SDK1: variants seen among roughly 807,000 people sequenced by gnomAD.
SDK1 encodes protein sidekick-1.
A neutral mutation model predicts 245.5 loss-of-function variants in SDK1; 157 were observed. That is an observed-to-expected ratio of 0.64 (90% confidence interval 0.56 to 0.73). The LOEUF (loss-of-function observed/expected upper bound fraction) is 0.73, where lower values mean the gene tolerates loss of function less well. SDK1 is among the 30% of genes least tolerant of loss of function. SDK1 has a pLI of 0.00. For missense variants in SDK1, 3,583 were observed against 3,002.3 expected, an observed-to-expected ratio of 1.19 and a Z score of -4.52; for synonymous variants, 1,647 against 1,278.5, an observed-to-expected ratio of 1.29 and a Z score of -6.15.
At chr7:3,640,095 G>A (rs1782603470) in intron 3 of SDK1, among the ~76,000 whole-genome samples, 1 of 130,062 alleles carries the variant, frequency 7.7e-6, no homozygotes. Flanking sequence ...GGCCTCAAGT[G>A]ATCCTCCTGC....
At chr7:3,591,202 A>G (rs906178052) in intron 1 of SDK1, among the ~76,000 whole-genome samples, 50 of 152,254 alleles carry the variant, frequency 3.3e-4, no homozygotes, top group African/African-American at 1.2e-3. Flanking sequence ...TTTATCTTTA[A>G]TGTTTTTATG....
At chr7:4,145,142 G>A (rs1779872195) in intron 28 of SDK1, among the ~76,000 whole-genome samples, 2 of 152,172 alleles carry the variant, frequency 1.3e-5, no homozygotes, top group South Asian at 4.1e-4. Context: ...AAGCAGAGCT[G>A]CCCTGGCGGA....
chr7:3,691,051 T>C (rs1027027190), intron 4 of SDK1, among the ~76,000 whole-genome samples: 1 of 152,212 alleles, frequency 6.6e-6, no homozygotes, highest in Non-Finnish European at 1.5e-5. Flanking sequence ...GAAAAAATTT[T>C]CAACTTATTA....
chr7:3,867,603 G>C (rs556439418), intron 5 of SDK1, among the ~76,000 whole-genome samples: 1 of 152,108 alleles, frequency 6.6e-6, no homozygotes, highest in Non-Finnish European at 1.5e-5. Flanking sequence ...ATCAGATCTC[G>C]TGAGACTTAC....
rs532200816 is a variant in SDK1, at chr7:3,446,554, A to G, written c.298+144670A>G. Among the ~76,000 whole-genome samples the G allele has an allele frequency of 2.3e-4, 35 of 152,318 alleles. No individual in the cohort carries two copies. The South Asian group carries it at 6.2e-3, about 27-fold the overall frequency. The stretch of plus-strand genomic sequence containing the variant: ...CACGAAACTTCCTTGCAGAAGCTGT[A>G]TCATGCTAAATGTTTTGGATCAATT... On this transcript the variant is annotated intron_variant, in intron 1 of 44. Transcript: ENST00000404826.
chr7:3,722,628 G>C (rs1174862172), intron 4 of SDK1, among the ~76,000 whole-genome samples: 1 of 152,166 alleles, frequency 6.6e-6, no homozygotes, highest in African/African-American at 2.4e-5. Flanking sequence ...GACACACGGG[G>C]TGCTTATAAA....
chr7:3,920,991 A>G (rs1779566477), intron 5 of SDK1, among the ~76,000 whole-genome samples: 1 of 152,230 alleles, frequency 6.6e-6, no homozygotes, highest in Non-Finnish European at 1.5e-5. Context: ...CAGATAAACT[A>G]TAGATCAAGT....
chr7:3,793,489 G>A (rs1045938080), intron 4 of SDK1, among the ~76,000 whole-genome samples: 1 of 152,104 alleles, frequency 6.6e-6, no homozygotes, highest in Non-Finnish European at 1.5e-5. Context: ...AGGCTTCCTC[G>A]TGCCTTAGAT....
chr7:3,403,842 TATATA>T (rs1778963405), intron 1 of SDK1, among the ~76,000 whole-genome samples: 2 of 80,738 alleles, frequency 2.5e-5, no homozygotes, highest in South Asian at 8.0e-4. Flanking sequence ...TATATATATA[TATATA>T]TATATATATA....
chr7:3,595,051 T>C (rs1297782754), intron 1 of SDK1, among the ~76,000 whole-genome samples: 1 of 152,188 alleles, frequency 6.6e-6, no homozygotes, highest in East Asian at 1.9e-4. Context: ...AAAATACCCT[T>C]GTTGCCACCA....
At chr7:4,111,926 G>A (rs1454121784) in intron 23 of SDK1, among the ~76,000 whole-genome samples, 1 of 152,214 alleles carries the variant, frequency 6.6e-6, no homozygotes, top group Non-Finnish European at 1.5e-5. Flanking sequence ...TCATTTTATA[G>A]TTAAGGAAAC....
intron 1 of SDK1, among the ~76,000 whole-genome samples, chr7:3,524,128 A>G (rs867436320): frequency 4.6e-5 from 7 of 152,310 alleles, no homozygotes; most frequent in South Asian, 4.1e-4. Flanking sequence ...GGAGTTAACT[A>G]AGTGGATATG....
intron 5 of SDK1, among the ~76,000 whole-genome samples, chr7:3,874,623 C>T (rs1274181996): frequency 6.6e-6 from 1 of 152,150 alleles, no homozygotes; most frequent in Non-Finnish European, 1.5e-5. Context: ...GCCCTATCTG[C>T]AGTGCGATCC....
chr7:3,779,469 AAAC>A (rs910410095), intron 4 of SDK1, among the ~76,000 whole-genome samples: 3 of 152,086 alleles, frequency 2.0e-5, no homozygotes, highest in Non-Finnish European at 4.4e-5. Flanking sequence ...TAAAAAAAAA[AAAC>A]AAGGACAAAT....
At chr7:3,478,055 G>A (rs987781911) in intron 1 of SDK1, among the ~76,000 whole-genome samples, 3 of 151,996 alleles carry the variant, frequency 2.0e-5, no homozygotes, top group Admixed American at 6.5e-5. Flanking sequence ...TAGGCTGTTG[G>A]TGAATTTTCT....
At chr7:4,191,872 C>T (rs931797506) in intron 35 of SDK1, among the ~76,000 whole-genome samples, 17 of 152,328 alleles carry the variant, frequency 1.1e-4, no homozygotes, top group African/African-American at 3.6e-4. Context: ...CCGCGCGTCA[C>T]GCACAAAAGT....
chr7:3,392,032 T>C (rs1344683745), intron 1 of SDK1, among the ~76,000 whole-genome samples: 1 of 151,440 alleles, frequency 6.6e-6, no homozygotes, highest in East Asian at 1.9e-4. Flanking sequence ...ATACAAGGCT[T>C]TTATGGAGAC....
intron 5 of SDK1, among the ~76,000 whole-genome samples, chr7:3,913,347 G>A (rs1371055925): frequency 3.4e-5 from 5 of 147,070 alleles, no homozygotes; most frequent in South Asian, 4.3e-4. Context: ...AGGCTGGAGT[G>A]CAGTGGCACG....
chr7:3,584,783 G>A (rs892802568), intron 1 of SDK1, among the ~76,000 whole-genome samples: 44 of 151,618 alleles, frequency 2.9e-4, no homozygotes, highest in African/African-American at 1.0e-3. Context: ...GAGTGCAGTG[G>A]CGCGATCTGG....
Sources: gnomAD v4.1 joint callset for allele counts (sites outside exome capture counted in the v4.1 genomes callset) on GRCh38, gnomAD v4.1.1 for gene constraint, MANE v1.5 for transcripts, NCBI Gene and HGNC (gene_info 2026-07-23, HGNC 2026-07-21) for gene names.